NOS1: variants seen among roughly 807,000 people sequenced by gnomAD.
NOS1 encodes the protein nitric oxide synthase 1, also known as NOS type I.
NOS1 carries 51 observed loss-of-function variants against 164.5 expected under a neutral mutation model. That is an observed-to-expected ratio of 0.31 (90% confidence interval 0.25 to 0.39). The LOEUF is 0.39. Among genes scored for constraint, NOS1 ranks in the 10% least tolerant of loss-of-function variants. The probability of loss-of-function intolerance (pLI) is 1.00; values close to 1 mark genes in which losing one functional copy is unlikely to be tolerated. For missense variants in NOS1, 1,362 were observed against 1,885.6 expected (o/e 0.72, Z 5.14); for synonymous variants, 719 against 745.8 (o/e 0.96, Z 0.59).
At chr12:117,230,492 C>A (rs1474450229) in intron 22 of NOS1, among the ~76,000 whole-genome samples, 3 of 152,154 alleles carry the variant, frequency 2.0e-5, no homozygotes, top group Non-Finnish European at 2.9e-5. Context: ...TTTCTAAATA[C>A]TATGCACTCG....
At chr12:117,339,476 T>A (rs1875995304) in intron 1 of NOS1, among the ~76,000 whole-genome samples, 1 of 152,202 alleles carries the variant, frequency 6.6e-6, no homozygotes. Flanking sequence ...AATATCTACC[T>A]CCAAATTTAA....
At chr12:117,271,138 T>C (rs1308127144) in intron 10 of NOS1, among the ~76,000 whole-genome samples, 1 of 152,242 alleles carries the variant, frequency 6.6e-6, no homozygotes, top group East Asian at 1.9e-4. Context: ...AAAATGCAGA[T>C]ACCCAGGGCC....
At chr12:117,262,488 G>A (rs12307476) in intron 13 of NOS1, among the ~76,000 whole-genome samples, 1 of 118,522 alleles carries the variant, frequency 8.4e-6, no homozygotes, top group African/African-American at 3.7e-5. Context: ...AGGGGGAGGG[G>A]GAGAGAGAGA....
chr12:117,209,940 A>C lies in NOS1; in HGVS notation c.*5369T>G, dbSNP rs1956501809. The C allele has an allele frequency of 2.0e-6, 2 of 985,308 alleles. No homozygotes were observed. The highest frequency in any genetic ancestry group is 1.7e-5 in the African/African-American group (1 of 57,200). The allele number at this position is 985,308 out of a possible 1,614,324, so 61.0% of individuals were successfully genotyped here. Reference sequence around the variant, plus strand: ...CAGGCCCCTTCCCTCAGACCCTCAGACCTGTGTTTCCTTAATCCCAGCACC... The same window carrying C: ...CAGGCCCCTTCCCTCAGACCCTCAGCCCTGTGTTTCCTTAATCCCAGCACC... On this transcript the variant is annotated 3_prime_UTR_variant, in exon 29 of 29. Coordinates refer to ENST00000317775, the MANE Select transcript of NOS1 (RefSeq NM_000620.5).
intron 3 of NOS1, among the ~76,000 whole-genome samples, chr12:117,293,536 C>G (rs1175725247): frequency 6.6e-6 from 1 of 152,022 alleles, no homozygotes; most frequent in Non-Finnish European, 1.5e-5. Context: ...TAAATGTTAG[C>G]CATTATTTAT....
chr12:117,278,903 A>G (rs1438213697), intron 8 of NOS1, among the ~76,000 whole-genome samples: 5 of 149,810 alleles, frequency 3.3e-5, no homozygotes, highest in Non-Finnish European at 4.4e-5. Context: ...TTCATCTAAT[A>G]TATCAAATAA....
At position 117,243,518 on chromosome 12, in the gene NOS1, T is replaced by A; in HGVS notation, c.2824-83A>T. The A allele has an allele frequency of 1.3e-6, 2 of 1,488,622 alleles. No homozygotes were observed. The highest frequency in any genetic ancestry group is 1.2e-5 in the South Asian group (1 of 80,342). The allele number at this position is 1,488,622 out of a possible 1,614,324, so 92.2% of individuals were successfully genotyped here. On this transcript the variant is annotated intron_variant, in intron 18 of 28. Transcript: ENST00000317775. This position sits in a 1 kb window ranked among gnomAD's most constrained non-coding sequence, Gnocchi z 4.3. The stretch of plus-strand genomic sequence containing the variant: ...ACAGCTCCAAGTCATGGCATGTATC[T>A]CTTCATTCACCCATCCATCCATCTA...
chr12:117,225,297 T>C (rs974364094), intron 24 of NOS1, among the ~76,000 whole-genome samples, 160 bp from the exon 25 acceptor site: 1 of 152,164 alleles, frequency 6.6e-6, no homozygotes, highest in African/African-American at 2.4e-5. Context: ...GGGAGTCTCA[T>C]CGATTAGGGG....
chr12:117,208,381 T>A lies in NOS1; in HGVS notation c.*6928A>T. ...CTCAGAGGTAGGGGGGACGGCCGAG[T>A]TTCTGACAGCGTGTGTGTGTGTGTG... On this transcript the variant is annotated 3_prime_UTR_variant, in exon 29 of 29. Transcript: ENST00000317775. 7.8e-7 allele frequency: 1 copy of A among 1,287,500 alleles called. No individual in the cohort carries two copies. Among genetic ancestry groups the A allele is most frequent in the Non-Finnish European group, 1.0e-6 (1 of 988,500 alleles). 79.8% of individuals were successfully genotyped at this position (1,287,500 alleles called of 1,614,324 possible).
chr12:117,268,445 T>A (rs1447525922), intron 10 of NOS1, among the ~76,000 whole-genome samples: 1 of 152,100 alleles, frequency 6.6e-6, no homozygotes, highest in African/African-American at 2.4e-5. Flanking sequence ...TTGGCCAGAC[T>A]GGTCTCAAAC....
At chr12:117,228,836 A>G (rs1868930862) in intron 22 of NOS1, among the ~76,000 whole-genome samples, 1 of 152,166 alleles carries the variant, frequency 6.6e-6, no homozygotes, top group African/African-American at 2.4e-5. Flanking sequence ...GCTGGAGTGC[A>G]ACGGCACGAT....
chr12:117,272,598 T>A lies in NOS1; in HGVS notation c.1665-39A>T. ...CAGGGCCCAGCTCACCCGGAGCAGG[T>A]GTCTCATGGGCGGGACAGCTTGAAT... On this transcript the variant is annotated intron_variant, in intron 9 of 28. Transcript: ENST00000317775. The surrounding 1 kb of genome is among the most constrained non-coding windows in gnomAD (Gnocchi z 4.3). 1 of 1,595,386 alleles carries A rather than the reference T, an allele frequency of 6.3e-7. No homozygotes were observed. Among genetic ancestry groups the A allele is most frequent in the Non-Finnish European group, 8.6e-7 (1 of 1,169,086 alleles).
chr12:117,325,451 C>T (rs905280405), intron 2 of NOS1, among the ~76,000 whole-genome samples: 9 of 152,012 alleles, frequency 5.9e-5, no homozygotes, highest in African/African-American at 2.2e-4. Context: ...TGGGGGTGCT[C>T]CTGGCATTGT....
intron 8 of NOS1, 109 bp downstream of exon 8, chr12:117,280,615 GA>G: frequency 9.1e-7 from 1 of 1,102,314 alleles, no homozygotes. Context: ...AAGAGTAAAT[GA>G]CCCCATCAGC....
intron 3 of NOS1, chr12:117,304,844 G>A (rs148444705): frequency 6.1e-4 from 119 of 194,850 alleles, no homozygotes; most frequent in African/African-American, 2.7e-3. Flanking sequence ...ACAAACAAGA[G>A]CATCGAAGAG....
chr12:117,218,200 A>C, intron 27 of NOS1, 36 bp from the exon 28 acceptor site: 1 of 1,486,086 alleles, frequency 6.7e-7, no homozygotes, highest in Non-Finnish European at 9.4e-7. Flanking sequence ...CAGCTCTCAA[A>C]TGCCAGATAA....
At position 117,286,141 on chromosome 12, in the gene NOS1, G is replaced by A. The variant is rs766387733; in HGVS notation, c.1253C>T (p.Ser418Leu). 4 of 1,614,182 alleles carry A rather than the reference G, an allele frequency of 2.5e-6. No individual in the cohort carries two copies. The highest frequency in any genetic ancestry group is 3.4e-6 in the Non-Finnish European group (4 of 1,180,042). The change falls in exon 6 of 29, where the codon TCG (serine) becomes TTG (leucine). Residue 418 changes from serine to leucine, a missense_variant. Ser to Leu is a moderately radical substitution (Grantham distance 145, BLOSUM62 -2). This residue lies in a region of NOS1 where 129 missense variants were observed against 186.0 expected (regional missense o/e 0.69). Coordinates refer to ENST00000317775, the MANE Select transcript of NOS1 (RefSeq NM_000620.5). ...YGAKHAWRNA[S>L]RCVGRIQWSK... ...CCACTGGATCCTGCCCACACAGCGC[G>A]AGGCATTCCGCCAGGCGTGCTTGGC...
chr12:117,249,694 A>G (rs816351), intron 17 of NOS1, among the ~76,000 whole-genome samples: 17,212 of 152,066 alleles, frequency 0.11, 1,082 homozygotes, highest in African/African-American at 0.16. Context: ...GCCACCAAGA[A>G]AATATTGGTG....
At chr12:117,324,025 G>A (rs1163105139) in intron 2 of NOS1, among the ~76,000 whole-genome samples, 3 of 151,514 alleles carry the variant, frequency 2.0e-5, no homozygotes, top group Non-Finnish European at 2.9e-5. Flanking sequence ...ATCCACCTGC[G>A]TCAGCCTTCC....
Sources: allele counts gnomAD v4.1 joint callset (sites outside exome capture counted in the v4.1 genomes callset), GRCh38; gene constraint gnomAD v4.1.1; regional missense constraint gnomAD v4.1.1; non-coding constraint Gnocchi (gnomAD v3.1); transcripts MANE v1.5; gene names NCBI Gene and HGNC (gene_info 2026-07-23, HGNC 2026-07-21).